The following DOCK3 variants were observed in gnomAD, a reference collection of about 807,000 sequenced individuals.
DOCK3 encodes dedicator of cytokinesis protein 3.
In DOCK3, 60 loss-of-function variants were observed where a neutral mutation model predicts 265.6. That is an observed-to-expected ratio of 0.23 (90% confidence interval 0.18 to 0.28). DOCK3 has a LOEUF of 0.28. Among genes scored for constraint, DOCK3 ranks in the 10% least tolerant of loss-of-function variants. The probability of loss-of-function intolerance (pLI) is 1.00; values close to 1 mark genes in which losing one functional copy is unlikely to be tolerated. For synonymous variants in DOCK3, 881 were observed against 938.0 expected, an observed-to-expected ratio of 0.94 and a Z score of 1.11; for missense variants, 1,981 against 2,594.3, an observed-to-expected ratio of 0.76 and a Z score of 5.14.
intron 1 of DOCK3, among the ~76,000 whole-genome samples, chr3:50,723,891 A>G (rs1041349927): frequency 2.6e-5 from 4 of 152,248 alleles, no homozygotes; most frequent in South Asian, 2.1e-4. Flanking sequence ...AAAAGAAACT[A>G]TCATCAGAGT....
chr3:50,742,728 C>A (rs1246136611), intron 1 of DOCK3, among the ~76,000 whole-genome samples: 23 of 152,096 alleles, frequency 1.5e-4, no homozygotes, highest in Non-Finnish European at 2.9e-4. Flanking sequence ...GATTGGTGTA[C>A]CTGAAAGTGA....
intron 1 of DOCK3, among the ~76,000 whole-genome samples, chr3:50,726,855 A>G (rs1030767414): frequency 2.0e-5 from 3 of 152,218 alleles, no homozygotes; most frequent in African/African-American, 7.2e-5. Context: ...AACAAAAAAA[A>G]TTGTGAGACT....
At chr3:50,939,890 C>T (rs2076237566) in intron 5 of DOCK3, among the ~76,000 whole-genome samples, 1 of 152,060 alleles carries the variant, frequency 6.6e-6, no homozygotes, top group African/African-American at 2.4e-5. Flanking sequence ...GAGAGATATA[C>T]AGATAGAAAG....
At chr3:51,110,608 C>T (rs1023757400) in intron 9 of DOCK3, among the ~76,000 whole-genome samples, 42 of 152,184 alleles carry the variant, frequency 2.8e-4, no homozygotes, top group African/African-American at 9.2e-4. Flanking sequence ...TCAATAGATG[C>T]GGAAAAGGCT....
chr3:50,678,873 G>C (rs1440174502), intron 1 of DOCK3, among the ~76,000 whole-genome samples: 1 of 151,948 alleles, frequency 6.6e-6, no homozygotes, highest in Admixed American at 6.6e-5. Flanking sequence ...GCAGTGGCGT[G>C]ATCTCGGCTC....
chr3:51,298,817 A>G (rs2082235949), intron 27 of DOCK3, among the ~76,000 whole-genome samples: 1 of 152,154 alleles, frequency 6.6e-6, no homozygotes, highest in Admixed American at 6.6e-5. Flanking sequence ...TATTGTTGAT[A>G]GGCATTTATG....
intron 10 of DOCK3, among the ~76,000 whole-genome samples, chr3:51,154,851 C>T (rs2085768008): frequency 6.6e-6 from 1 of 152,154 alleles, no homozygotes; most frequent in African/African-American, 2.4e-5. Context: ...GCTATAGCTC[C>T]AACTTTATTG....
At chr3:50,764,444 G>A (rs2040735504) in intron 1 of DOCK3, among the ~76,000 whole-genome samples, 1 of 152,098 alleles carries the variant, frequency 6.6e-6, no homozygotes, top group Non-Finnish European at 1.5e-5. Flanking sequence ...GTATACAAGA[G>A]TATGTTTATA....
intron 9 of DOCK3, among the ~76,000 whole-genome samples, chr3:51,140,925 C>T (rs867517945): frequency 6.6e-6 from 1 of 152,040 alleles, no homozygotes; most frequent in Non-Finnish European, 1.5e-5. Flanking sequence ...TCAAGTTACC[C>T]ACTTTTGAAT....
At chr3:51,319,644 A>G (rs1349197928) in intron 32 of DOCK3, among the ~76,000 whole-genome samples, 1 of 152,142 alleles carries the variant, frequency 6.6e-6, no homozygotes, top group African/African-American at 2.4e-5. Flanking sequence ...AGGCGGGTGG[A>G]TCACAAGGTC....
chr3:51,355,350 G>T (rs2086293327), intron 41 of DOCK3, among the ~76,000 whole-genome samples: 1 of 152,186 alleles, frequency 6.6e-6, no homozygotes, highest in African/African-American at 2.4e-5. Context: ...AGCAATCACT[G>T]TACAGGGTGA....
In DOCK3 at chr3:51,271,023, A is replaced by G; in HGVS notation, c.2548+16A>G. 1.2e-6 allele frequency: 2 copies of G among 1,606,230 alleles called. No individual in the cohort carries two copies. The highest frequency in any genetic ancestry group is 2.2e-5 in the South Asian group (2 of 90,064). On this transcript the variant is annotated intron_variant, in intron 24 of 52. Coordinates refer to ENST00000266037, the MANE Select transcript of DOCK3 (RefSeq NM_004947.5). ...TCTTTCTCAGGTAAATCAAGTTGGGATGAGAGTCCTCCTTCCTTCCAGGGG... is the reference window on the plus strand; with the variant it reads ...TCTTTCTCAGGTAAATCAAGTTGGGGTGAGAGTCCTCCTTCCTTCCAGGGG...
intron 9 of DOCK3, among the ~76,000 whole-genome samples, chr3:51,096,042 T>G (rs1323109286): frequency 6.6e-6 from 1 of 152,072 alleles, no homozygotes; most frequent in Non-Finnish European, 1.5e-5. Flanking sequence ...CTGGTTGCCT[T>G]TAACATTTTT....
intron 19 of DOCK3, among the ~76,000 whole-genome samples, chr3:51,234,357 GTTGT>G (rs1372025084): frequency 1.3e-5 from 2 of 152,088 alleles, no homozygotes; most frequent in East Asian, 3.8e-4. Context: ...TTGCTAGTGA[GTTGT>G]TTGAGTTCCT....
chr3:51,134,170 C>T (rs998312659), intron 9 of DOCK3, among the ~76,000 whole-genome samples: 1 of 152,072 alleles, frequency 6.6e-6, no homozygotes, highest in African/African-American at 2.4e-5. Context: ...TTTCTTTATC[C>T]AGTCTACCAT....
At chr3:50,814,506 T>A (rs2043955551) in intron 2 of DOCK3, among the ~76,000 whole-genome samples, 1 of 152,126 alleles carries the variant, frequency 6.6e-6, no homozygotes, top group Admixed American at 6.5e-5. Flanking sequence ...TGTCAAGTGA[T>A]CTGCCTGCCT....
chr3:51,068,560 A>ACAAGAAG (rs1553750775), intron 6 of DOCK3, among the ~76,000 whole-genome samples: 2 of 82,418 alleles, frequency 2.4e-5, no homozygotes, highest in Admixed American at 3.6e-4. Context: ...AAAAAAAAAA[A>ACAAGAAG]AAGAAGAAGA....
intron 4 of DOCK3, among the ~76,000 whole-genome samples, chr3:50,912,729 A>T (rs556851389): frequency 6.7e-6 from 1 of 149,486 alleles, no homozygotes; most frequent in African/African-American, 2.5e-5. Context: ...CTGCTGCCAC[A>T]GGCCCACAGG....
chr3:50,719,327 A>G (rs533342570), intron 1 of DOCK3, among the ~76,000 whole-genome samples: 1 of 149,026 alleles, frequency 6.7e-6, no homozygotes, highest in East Asian at 2.0e-4. Flanking sequence ...CAATCCAACT[A>G]GGCATGGAAG....
Sources: allele counts gnomAD v4.1 joint callset (sites outside exome capture counted in the v4.1 genomes callset), GRCh38; gene constraint gnomAD v4.1.1; transcripts MANE v1.5; gene names NCBI Gene and HGNC (gene_info 2026-07-23, HGNC 2026-07-21).